The following CTNNA3 variants were observed in gnomAD, a reference collection of about 807,000 sequenced individuals.
The protein encoded by CTNNA3 is catenin alpha 3.
CTNNA3 carries 76 observed loss-of-function variants against 95.7 expected under a neutral mutation model. The ratio of observed to expected loss-of-function variants is 0.79; its 90% CI spans 0.66 to 0.96. CTNNA3 has a LOEUF of 0.96. CTNNA3 is among the 40% of genes least tolerant of loss of function. The pLI is 0.00. For synonymous variants in CTNNA3, 431 were observed against 374.4 expected (o/e 1.15, Z -1.74); for missense variants, 1,191 against 1,089.8 (o/e 1.09, Z -1.31).
chr10:67,251,138 T>C (rs1346237613), intron 5 of CTNNA3, among the ~76,000 whole-genome samples: 3 of 152,236 alleles, frequency 2.0e-5, no homozygotes, highest in East Asian at 3.9e-4. Flanking sequence ...CAAAACAAAA[T>C]ATTATTTGTC....
intron 5 of CTNNA3, among the ~76,000 whole-genome samples, chr10:67,254,716 C>T (rs766907210): frequency 2.8e-4 from 43 of 152,278 alleles, no homozygotes; most frequent in Middle Eastern, 3.4e-3. Flanking sequence ...AGTAAATAAA[C>T]ACCATTGTGT....
chr10:67,124,095 A>G (rs934725239), intron 7 of CTNNA3, among the ~76,000 whole-genome samples: 1 of 152,224 alleles, frequency 6.6e-6, no homozygotes, highest in African/African-American at 2.4e-5. Context: ...GTGTTTCTAC[A>G]TAAAGGGGAT....
intron 14 of CTNNA3, among the ~76,000 whole-genome samples, chr10:66,077,744 G>A (rs146806079): frequency 1.1e-4 from 16 of 151,844 alleles, no homozygotes; most frequent in East Asian, 7.7e-4. Flanking sequence ...TATCAAGAAA[G>A]CTGACGTGAA....
chr10:67,728,747 T>C (rs1841258689), intron 1 of CTNNA3, among the ~76,000 whole-genome samples: 1 of 152,162 alleles, frequency 6.6e-6, no homozygotes, highest in Non-Finnish European at 1.5e-5. Flanking sequence ...TTATTAATAA[T>C]CACAGCTGTG....
chr10:66,002,730 T>G (rs1251032750), intron 15 of CTNNA3, among the ~76,000 whole-genome samples: 1 of 152,116 alleles, frequency 6.6e-6, no homozygotes, highest in Non-Finnish European at 1.5e-5. Context: ...CAGAAAGGAA[T>G]GAGAATAGAT....
chr10:67,255,866 T>C (rs562284728), intron 5 of CTNNA3, among the ~76,000 whole-genome samples: 1 of 152,302 alleles, frequency 6.6e-6, no homozygotes, highest in Admixed American at 6.5e-5. Context: ...TTATTTAATG[T>C]CATTCAGCTA....
chr10:65,969,762 G>A (rs946900570), intron 16 of CTNNA3, among the ~76,000 whole-genome samples: 11 of 152,058 alleles, frequency 7.2e-5, no homozygotes, highest in African/African-American at 2.4e-4. Context: ...GTCTTTGAGA[G>A]ATATGGGATT....
intron 15 of CTNNA3, among the ~76,000 whole-genome samples, chr10:66,025,124 A>C (rs1307039489): frequency 1.3e-5 from 2 of 152,232 alleles, no homozygotes; most frequent in Non-Finnish European, 2.9e-5. Context: ...GCCAATGGCC[A>C]TTATGTTACA....
chr10:66,984,323 T>C (rs1850610004), intron 7 of CTNNA3, among the ~76,000 whole-genome samples: 1 of 152,162 alleles, frequency 6.6e-6, no homozygotes, highest in Non-Finnish European at 1.5e-5. Flanking sequence ...ATACCAAACA[T>C]TATTCTTAGT....
intron 5 of CTNNA3, among the ~76,000 whole-genome samples, chr10:67,248,284 G>A (rs759546429): frequency 2.0e-4 from 31 of 152,172 alleles, no homozygotes; most frequent in Admixed American, 5.9e-4. Context: ...ACTGCAGTGA[G>A]CCCTGATTGT....
At chr10:66,337,472 C>G (rs1456577827) in intron 12 of CTNNA3, among the ~76,000 whole-genome samples, 3 of 152,060 alleles carry the variant, frequency 2.0e-5, no homozygotes, top group Admixed American at 2.0e-4. Context: ...GTGCTCCTCT[C>G]TTTTTGGGAA....
rs1840612995 is a variant in CTNNA3 at position 66,783,321 on chromosome 10, A to G, written c.1048-7797T>C. The stretch of plus-strand genomic sequence containing the variant: ...TTAAAGGTGTTTCCATGAAGAGTCA[A>G]TCATATATCTGAAATATAGATATCT... On this transcript the variant is annotated intron_variant, in intron 7 of 17. Coordinates refer to ENST00000433211, the MANE Select transcript of CTNNA3 (RefSeq NM_013266.4). Among the ~76,000 whole-genome samples, 4 of 152,210 alleles carry G rather than the reference A, an allele frequency of 2.6e-5. No homozygotes were observed. In the South Asian group the frequency reaches 8.3e-4, roughly 31 times the overall value.
At chr10:67,057,748 T>C (rs1855525530) in intron 7 of CTNNA3, among the ~76,000 whole-genome samples, 1 of 152,106 alleles carries the variant, frequency 6.6e-6, no homozygotes, top group Non-Finnish European at 1.5e-5. Context: ...GAGCTTCTTC[T>C]TCACTCTCTC....
Position 67,351,964 on chromosome 10 carries a change from T to C in CTNNA3, c.580-132094A>G, listed in dbSNP as rs1313803674. On this transcript the variant is annotated intron_variant, in intron 5 of 17. Transcript: ENST00000433211. ...CTGAAAATGATCATCAAAAGACAAA[T>C]GCAATTTAATTCACCAAACATGTAT... Among the ~76,000 whole-genome samples the C allele has an allele frequency of 2.0e-5, 3 of 151,984 alleles. No homozygotes were observed. The East Asian group carries it at 5.8e-4, about 29-fold the overall frequency.
intron 7 of CTNNA3, among the ~76,000 whole-genome samples, chr10:66,804,220 G>C (rs1229036707): frequency 2.6e-5 from 4 of 151,900 alleles, no homozygotes; most frequent in Non-Finnish European, 5.9e-5. Flanking sequence ...ACTGAAACTT[G>C]ACCAACCCAA....
At chr10:67,380,346 CAAGT>C (rs1198851191) in intron 5 of CTNNA3, among the ~76,000 whole-genome samples, 4 of 152,000 alleles carry the variant, frequency 2.6e-5, no homozygotes, top group Non-Finnish European at 4.4e-5. Flanking sequence ...AATGAAAATT[CAAGT>C]AAAACCTTTT....
intron 5 of CTNNA3, among the ~76,000 whole-genome samples, chr10:67,301,870 G>A (rs1042936688): frequency 3.9e-5 from 6 of 152,016 alleles, no homozygotes; most frequent in African/African-American, 1.5e-4. Flanking sequence ...TCGGGAGGCT[G>A]AGGCAGGAGA....
At chr10:67,701,428 T>C (rs1452308189) in intron 1 of CTNNA3, among the ~76,000 whole-genome samples, 2 of 152,344 alleles carry the variant, frequency 1.3e-5, no homozygotes, top group East Asian at 1.9e-4. Context: ...GTGGATGTCT[T>C]GGCAGAAACT....
intron 15 of CTNNA3, among the ~76,000 whole-genome samples, chr10:66,058,078 A>G (rs761550555): frequency 1.3e-5 from 2 of 152,154 alleles, no homozygotes; most frequent in Non-Finnish European, 2.9e-5. Context: ...TTAAATTGCT[A>G]TTGTCATTAA....
Sources: gnomAD v4.1 joint callset for allele counts (sites outside exome capture counted in the v4.1 genomes callset) on GRCh38, gnomAD v4.1.1 for gene constraint, MANE v1.5 for transcripts, NCBI Gene and HGNC (gene_info 2026-07-23, HGNC 2026-07-21) for gene names.